The following CDH13 variants were observed in gnomAD, a reference collection of about 807,000 sequenced individuals.
The protein encoded by CDH13 is cadherin 13.
CDH13 carries 24 observed loss-of-function variants against 63.8 expected under a neutral mutation model. The ratio of observed to expected loss-of-function variants is 0.38; its 90% CI spans 0.27 to 0.53. CDH13 has a LOEUF of 0.53. CDH13 is among the 20% of genes least tolerant of loss of function. The pLI is 0.85. For missense variants in CDH13, 1,049 were observed against 903.1 expected (o/e 1.16, Z -2.07); for synonymous variants, 503 against 355.3 (o/e 1.42, Z -4.67).
At chr16:83,293,773 A>T (rs919096472) in intron 5 of CDH13, among the ~76,000 whole-genome samples, 1 of 152,182 alleles carries the variant, frequency 6.6e-6, no homozygotes, top group Non-Finnish European at 1.5e-5. Context: ...AAAAACGAGG[A>T]TTTGGTCATC....
chr16:82,966,945 G>GT (rs1209014238), intron 2 of CDH13, among the ~76,000 whole-genome samples: 7 of 152,050 alleles, frequency 4.6e-5, no homozygotes, highest in African/African-American at 9.7e-5. Context: ...CCGCACTAAT[G>GT]TTTTTTTATT....
chr16:83,119,456 C>G (rs1465265271), intron 3 of CDH13, among the ~76,000 whole-genome samples: 1 of 152,158 alleles, frequency 6.6e-6, no homozygotes, highest in African/African-American at 2.4e-5. Context: ...CCCCAAAATG[C>G]CTTTTTAAAA....
intron 1 of CDH13, among the ~76,000 whole-genome samples, chr16:82,701,044 A>G (rs530961900): frequency 6.7e-4 from 94 of 139,498 alleles, no homozygotes; most frequent in African/African-American, 2.4e-3. Flanking sequence ...CAAACTTCTT[A>G]TCTCCTCCAT....
chr16:83,162,546 C>A (rs577785664), intron 4 of CDH13, among the ~76,000 whole-genome samples: 1 of 152,154 alleles, frequency 6.6e-6, no homozygotes, highest in South Asian at 2.1e-4. Context: ...AAAGGTTGAA[C>A]AAAGCAAGGT....
chr16:83,004,914 T>C lies in CDH13; in HGVS notation c.158-27096T>C, dbSNP rs527262241. Among the ~76,000 whole-genome samples the C allele has an allele frequency of 4.6e-5, 7 of 152,276 alleles. No individual in the cohort carries two copies. The East Asian group carries it at 1.2e-3, about 25-fold the overall frequency. ...GAGATGGCACTTGTCATCCCCAGGGTGGTATCCTCATTCCTACCTCCTGCA... is the reference window on the plus strand; with the variant it reads ...GAGATGGCACTTGTCATCCCCAGGGCGGTATCCTCATTCCTACCTCCTGCA... On this transcript the variant is annotated intron_variant, in intron 2 of 13. Transcript: ENST00000567109.
intron 7 of CDH13, among the ~76,000 whole-genome samples, chr16:83,557,229 C>A (rs188016599): frequency 6.6e-6 from 1 of 152,320 alleles, no homozygotes; most frequent in East Asian, 1.9e-4. Flanking sequence ...CCATCACCCC[C>A]AGATGAGACC....
intron 6 of CDH13, among the ~76,000 whole-genome samples, chr16:83,419,359 C>G (rs2071646460): frequency 6.6e-6 from 1 of 152,138 alleles, no homozygotes; most frequent in African/African-American, 2.4e-5. Flanking sequence ...GACATCAGAA[C>G]TACTATATGG....
At chr16:83,090,061 A>G (rs2033817342) in intron 3 of CDH13, among the ~76,000 whole-genome samples, 2 of 152,178 alleles carry the variant, frequency 1.3e-5, no homozygotes, top group South Asian at 2.1e-4. Flanking sequence ...GGCATAAACT[A>G]AAACTGTGAT....
chr16:83,155,921 A>G (rs547770085), intron 4 of CDH13, among the ~76,000 whole-genome samples: 15 of 152,292 alleles, frequency 9.8e-5, no homozygotes, highest in Admixed American at 3.9e-4. Flanking sequence ...ATGCACCCCA[A>G]TTGCCAGTGA....
Position 82,889,300 on chromosome 16 carries a change from A to ATCTCTCTCTCTCTCTCTC in CDH13, c.157+30833_157+30850dup, listed in dbSNP as rs59500269. On this transcript the variant is annotated intron_variant, in intron 2 of 13. Transcript: ENST00000567109. The stretch of plus-strand genomic sequence containing the variant: ...AATTGTGCTTGTCTGTCTCTCTATT[A>ATCTCTCTCTCTCTCTCTC]TCTCTCTCTCTCTCTCTCTCTCTAC... Among the ~76,000 whole-genome samples the ATCTCTCTCTCTCTCTCTC allele has an allele frequency of 2.2e-3, 325 of 149,886 alleles. 1 individual carries two copies. Among genetic ancestry groups the ATCTCTCTCTCTCTCTCTC allele is most frequent in the Middle Eastern group, 6.9e-3 (2 of 288 alleles).
At position 82,846,077 on chromosome 16, in the gene CDH13, C is replaced by G. The variant is rs576435124; in HGVS notation, c.46-12285C>G. 3.3e-5 allele frequency among the ~76,000 whole-genome samples: 5 copies of G among 152,294 alleles called. No individual in the cohort carries two copies. In the East Asian group the frequency reaches 5.8e-4, roughly 18 times the overall value. On this transcript the variant is annotated intron_variant, in intron 1 of 13. Coordinates refer to ENST00000567109, the MANE Select transcript of CDH13 (RefSeq NM_001257.5). ...TTGAGACAAAACACCTTCAAATAAT[C>G]TGGAAAACAACCCAGAGTTTATTTC...
chr16:83,270,799 TGTTA>T (rs111612681), intron 5 of CDH13, among the ~76,000 whole-genome samples: 11,870 of 152,168 alleles, frequency 0.078, 507 homozygotes, highest in East Asian at 0.15. Context: ...CTTTTTTTGT[TGTTA>T]GTGTCAAAGA....
intron 2 of CDH13, 82 bp from the exon 3 acceptor site, chr16:83,031,928 C>G (rs1281708655): frequency 1.8e-6 from 2 of 1,098,838 alleles, no homozygotes; most frequent in African/African-American, 1.6e-5. Context: ...TGTGGTAATT[C>G]ACACTTAATA....
At position 83,797,162 on chromosome 16, in the gene CDH13, G is replaced by C. The variant is rs781530805; in HGVS notation, c.*2132G>C. 2.0e-5 allele frequency: 3 copies of C among 152,232 alleles called. No homozygotes were observed. Among genetic ancestry groups the C allele is most frequent in the Non-Finnish European group, 2.9e-5 (2 of 68,040 alleles). The allele number at this position is 152,232 out of a possible 1,614,324, so 9.4% of individuals were successfully genotyped here. Reference sequence around the variant, plus strand: ...GAACGTTCATCCTTGAACAAACAAAGAGCATCCTCAGCCAGTCAGGCGGCT... The same window carrying C: ...GAACGTTCATCCTTGAACAAACAAACAGCATCCTCAGCCAGTCAGGCGGCT... On this transcript the variant is annotated 3_prime_UTR_variant, in exon 14 of 14. Coordinates refer to ENST00000567109, the MANE Select transcript of CDH13 (RefSeq NM_001257.5).
intron 1 of CDH13, among the ~76,000 whole-genome samples, chr16:82,822,976 G>C (rs1245018705): frequency 6.6e-6 from 1 of 152,136 alleles, no homozygotes; most frequent in Non-Finnish European, 1.5e-5. Context: ...CCTGGGTGTG[G>C]AACAGAGAGA....
At chr16:83,507,814 C>T (rs1380031875) in intron 7 of CDH13, among the ~76,000 whole-genome samples, 3 of 151,460 alleles carry the variant, frequency 2.0e-5, no homozygotes, top group Admixed American at 1.3e-4. Flanking sequence ...GCAGGCAGAT[C>T]ATGGGCTCAG....
intron 6 of CDH13, among the ~76,000 whole-genome samples, chr16:83,448,447 C>G (rs1239120404): frequency 6.6e-6 from 1 of 152,200 alleles, no homozygotes; most frequent in African/African-American, 2.4e-5. Flanking sequence ...GAACAAGATG[C>G]TCAATGGCTG....
At chr16:83,684,355 A>T (rs780616682) in intron 10 of CDH13, among the ~76,000 whole-genome samples, 8 of 152,164 alleles carry the variant, frequency 5.3e-5, no homozygotes, top group African/African-American at 9.6e-5. Context: ...CAGTGTGAGC[A>T]ATAAAGCGTG....
intron 4 of CDH13, among the ~76,000 whole-genome samples, chr16:83,162,525 T>C (rs1231300148): frequency 1.3e-5 from 2 of 152,160 alleles, no homozygotes; most frequent in African/African-American, 4.8e-5. Context: ...TTAGTTTCCC[T>C]ACCAAGTTTT....
Sources: allele counts gnomAD v4.1 joint callset (sites outside exome capture counted in the v4.1 genomes callset), GRCh38; gene constraint gnomAD v4.1.1; transcripts MANE v1.5; gene names NCBI Gene and HGNC (gene_info 2026-07-23, HGNC 2026-07-21).